Variants in BBX observed in about 807,000 individuals in gnomAD.
BBX encodes the protein HMG box transcription factor BBX.
In BBX, 30 loss-of-function variants were observed where a neutral mutation model predicts 100.2. The ratio of observed to expected loss-of-function variants is 0.30; its 90% CI spans 0.22 to 0.41. BBX has a LOEUF of 0.41. BBX is among the 10% of genes least tolerant of loss of function. The probability of loss-of-function intolerance (pLI) is 1.00; values close to 1 mark genes in which losing one functional copy is unlikely to be tolerated. For missense variants in BBX, 1,023 were observed against 1,129.8 expected, an observed-to-expected ratio of 0.91 and a Z score of 1.35; for synonymous variants, 376 against 388.1, an observed-to-expected ratio of 0.97 and a Z score of 0.37.
At chr3:107,663,555 C>T (rs329925) in intron 3 of BBX, among the ~76,000 whole-genome samples, 38,040 of 151,784 alleles carry the variant, frequency 0.25, 5,978 homozygotes, top group East Asian at 0.85. Flanking sequence ...TTTTCTTGGT[C>T]GTTTTTCTCA....
chr3:107,765,374 G>A (rs945469858), intron 10 of BBX, among the ~76,000 whole-genome samples: 3 of 152,270 alleles, frequency 2.0e-5, no homozygotes, highest in Non-Finnish European at 4.4e-5. Context: ...CAGTAGCAGA[G>A]CCTGTCTATA....
chr3:107,646,485 A>T (rs2107789037), intron 3 of BBX, among the ~76,000 whole-genome samples: 1 of 152,252 alleles, frequency 6.6e-6, no homozygotes, highest in Non-Finnish European at 1.5e-5. Flanking sequence ...CTGTCCTTTT[A>T]TATGTTAGTT....
At chr3:107,622,758 G>T (rs1337665784) in intron 2 of BBX, among the ~76,000 whole-genome samples, 1 of 152,122 alleles carries the variant, frequency 6.6e-6, no homozygotes, top group African/African-American at 2.4e-5. Flanking sequence ...CATTTTAATT[G>T]TTATGAGACT....
chr3:107,583,908 A>G (rs1038365995), intron 2 of BBX, among the ~76,000 whole-genome samples: 1 of 121,428 alleles, frequency 8.2e-6, no homozygotes, highest in African/African-American at 3.1e-5. Flanking sequence ...AGTATAAAGT[A>G]TAAATTATAC....
rs185787190 is a variant in BBX at position 107,652,209 on chromosome 3, C to T, written c.-10+6300C>T. Among the ~76,000 whole-genome samples, 47 of 151,582 alleles carry T rather than the reference C, an allele frequency of 3.1e-4. 1 individual carries two copies. In the South Asian group the frequency reaches 9.0e-3, roughly 29 times the overall value. On this transcript the variant is annotated intron_variant, in intron 3 of 17. Transcript: ENST00000325805. ...AAATGAACTTTGTTTCTTTTTTGGACGATTTTTGTCTGTGTGTACATATGT... is the reference window on the plus strand; with the variant it reads ...AAATGAACTTTGTTTCTTTTTTGGATGATTTTTGTCTGTGTGTACATATGT...
intron 2 of BBX, among the ~76,000 whole-genome samples, chr3:107,585,956 A>T (rs2052803083): frequency 6.6e-6 from 1 of 152,210 alleles, no homozygotes; most frequent in Non-Finnish European, 1.5e-5. Context: ...TTAGGGTCAC[A>T]TTATAATTTT....
intron 3 of BBX, among the ~76,000 whole-genome samples, chr3:107,678,597 G>A (rs1390620959): frequency 6.6e-6 from 1 of 151,990 alleles, no homozygotes; most frequent in Non-Finnish European, 1.5e-5. Flanking sequence ...GGTGGTGCAC[G>A]CCTGTAGTCT....
chr3:107,622,939 AT>A (rs2107696216), intron 2 of BBX, among the ~76,000 whole-genome samples: 1 of 152,186 alleles, frequency 6.6e-6, no homozygotes, highest in Non-Finnish European at 1.5e-5. Context: ...TGTCCCACTT[AT>A]TTGCCACCCA....
chr3:107,569,074 A>G (rs1468706810), intron 2 of BBX, among the ~76,000 whole-genome samples: 7 of 152,236 alleles, frequency 4.6e-5, no homozygotes, highest in African/African-American at 1.7e-4. Context: ...ATGAAATCCC[A>G]TAATTGTAAT....
chr3:107,733,714 C>T (rs937226032), intron 7 of BBX, among the ~76,000 whole-genome samples: 3 of 152,066 alleles, frequency 2.0e-5, no homozygotes, highest in African/African-American at 7.2e-5. Flanking sequence ...AGGGCTCAAG[C>T]GTCTTAGCCT....
chr3:107,614,016 A>G (rs2055059447), intron 2 of BBX, among the ~76,000 whole-genome samples: 3 of 139,926 alleles, frequency 2.1e-5, no homozygotes, highest in East Asian at 2.1e-4. Context: ...CAGTGGCGCA[A>G]TCTCGGCTCA....
chr3:107,633,448 T>C (rs2056667749), intron 2 of BBX, among the ~76,000 whole-genome samples: 1 of 152,214 alleles, frequency 6.6e-6, no homozygotes, highest in Non-Finnish European at 1.5e-5. Flanking sequence ...GCATATAACC[T>C]GAACTTTTGA....
intron 2 of BBX, among the ~76,000 whole-genome samples, chr3:107,584,087 ATC>A (rs796843913): frequency 4.7e-3 from 145 of 30,684 alleles, no homozygotes; most frequent in Non-Finnish European, 5.2e-3. Flanking sequence ...TATTATATAT[ATC>A]ATATATTATA....
intron 3 of BBX, among the ~76,000 whole-genome samples, chr3:107,680,710 A>G (rs889229793): frequency 6.6e-6 from 1 of 152,152 alleles, no homozygotes; most frequent in African/African-American, 2.4e-5. Context: ...CATGCTGCCC[A>G]TGTAGATAAG....
At chr3:107,802,115 G>C (rs182066462) in intron 17 of BBX, among the ~76,000 whole-genome samples, 1 of 152,284 alleles carries the variant, frequency 6.6e-6, no homozygotes, top group Admixed American at 6.5e-5. Flanking sequence ...TGTAAATTCA[G>C]GTATTTTATA....
chr3:107,721,506 A>G (rs1366970461), intron 5 of BBX, among the ~76,000 whole-genome samples: 1 of 151,956 alleles, frequency 6.6e-6, no homozygotes, highest in Non-Finnish European at 1.5e-5. Flanking sequence ...GGGCCCCACC[A>G]CATTTGTGGA....
intron 4 of BBX, among the ~76,000 whole-genome samples, chr3:107,714,713 C>G (rs930119017): frequency 6.6e-6 from 1 of 152,020 alleles, no homozygotes; most frequent in Non-Finnish European, 1.5e-5. Flanking sequence ...GCTATGACCT[C>G]AAGATTTTTT....
chr3:107,804,996 C>T (rs1246098807), intron 17 of BBX, among the ~76,000 whole-genome samples: 1 of 152,042 alleles, frequency 6.6e-6, no homozygotes, highest in South Asian at 2.1e-4. Context: ...GTCCAAGAAC[C>T]CCAGTCCTTG....
intron 7 of BBX, 70 bp from the exon 8 acceptor site, chr3:107,744,560 T>G: frequency 8.8e-7 from 1 of 1,137,404 alleles, no homozygotes; most frequent in Non-Finnish European, 1.3e-6. Flanking sequence ...CAAATGAAGA[T>G]AGAGCATTAA....
Sources: allele counts gnomAD v4.1 joint callset (sites outside exome capture counted in the v4.1 genomes callset), GRCh38; gene constraint gnomAD v4.1.1; transcripts MANE v1.5; gene names NCBI Gene and HGNC (gene_info 2026-07-23, HGNC 2026-07-21).